The following PPP1R9A variants were observed in gnomAD, a reference collection of about 807,000 sequenced individuals.
PPP1R9A encodes the protein protein phosphatase 1 regulatory subunit 9A, also known as neurabin-1.
In PPP1R9A, 59 loss-of-function variants were observed where a neutral mutation model predicts 141.9. The ratio of observed to expected loss-of-function variants is 0.42; its 90% CI spans 0.34 to 0.52. The LOEUF is 0.52. Ranked by LOEUF, PPP1R9A falls within the 20% of genes least tolerant of loss-of-function variation. PPP1R9A has a pLI of 0.10. For missense variants in PPP1R9A, 1,444 were observed against 1,611.9 expected (o/e 0.90, Z 1.78); for synonymous variants, 500 against 569.7 (o/e 0.88, Z 1.74).
At chr7:94,979,910 T>G (rs1799882219) in intron 2 of PPP1R9A, among the ~76,000 whole-genome samples, 1 of 152,334 alleles carries the variant, frequency 6.6e-6, no homozygotes, top group East Asian at 1.9e-4. Flanking sequence ...AAAGGTATTT[T>G]TTTTTGGTTT....
At chr7:95,107,928 G>A (rs1399657821) in intron 2 of PPP1R9A, among the ~76,000 whole-genome samples, 1 of 152,082 alleles carries the variant, frequency 6.6e-6, no homozygotes, top group East Asian at 1.9e-4. Flanking sequence ...ACTTTCTTCA[G>A]GGCTTTTTGT....
At chr7:94,986,670 A>G (rs1455015398) in intron 2 of PPP1R9A, among the ~76,000 whole-genome samples, 1 of 152,208 alleles carries the variant, frequency 6.6e-6, no homozygotes, top group Non-Finnish European at 1.5e-5. Flanking sequence ...TTAATTATCC[A>G]GATTTAATCA....
At chr7:95,270,811 A>C (rs1172182774) in intron 14 of PPP1R9A, among the ~76,000 whole-genome samples, 1 of 152,212 alleles carries the variant, frequency 6.6e-6, no homozygotes, top group Non-Finnish European at 1.5e-5. Context: ...TTTGACCCAG[A>C]AGATGTGTTC....
At chr7:95,214,903 G>A (rs1563431595) in intron 7 of PPP1R9A, among the ~76,000 whole-genome samples, 1 of 152,014 alleles carries the variant, frequency 6.6e-6, no homozygotes, top group Non-Finnish European at 1.5e-5. Context: ...ATCTAGAGAA[G>A]GATTTTAGAT....
chr7:95,098,945 C>T (rs1039394498), intron 2 of PPP1R9A, among the ~76,000 whole-genome samples: 9 of 152,162 alleles, frequency 5.9e-5, no homozygotes, highest in Admixed American at 5.9e-4. Flanking sequence ...AAGAGAAGCT[C>T]TCAAACCCTC....
intron 2 of PPP1R9A, among the ~76,000 whole-genome samples, chr7:94,989,388 C>T (rs1278290749): frequency 6.6e-6 from 1 of 152,084 alleles, no homozygotes; most frequent in African/African-American, 2.4e-5. Flanking sequence ...AAGTGGTCAG[C>T]AAACTGACTT....
intron 2 of PPP1R9A, among the ~76,000 whole-genome samples, chr7:95,053,701 G>A (rs747208983): frequency 1.3e-5 from 2 of 152,176 alleles, no homozygotes; most frequent in African/African-American, 2.4e-5. Context: ...GAATCTGTTT[G>A]TGAGGCACTT....
chr7:95,280,383 C>G (rs546473830), intron 16 of PPP1R9A, among the ~76,000 whole-genome samples: 25 of 152,184 alleles, frequency 1.6e-4, no homozygotes, highest in Non-Finnish European at 3.5e-4. Context: ...CTGAATACTT[C>G]ACACACCTGT....
chr7:95,032,078 G>A (rs1043686604), intron 2 of PPP1R9A, among the ~76,000 whole-genome samples: 1 of 152,156 alleles, frequency 6.6e-6, no homozygotes, highest in African/African-American at 2.4e-5. Context: ...ATGTAGCATG[G>A]ATTTTATTGT....
intron 2 of PPP1R9A, among the ~76,000 whole-genome samples, chr7:95,072,716 A>G (rs150714464): frequency 0.043 from 4,842 of 112,118 alleles, 521 homozygotes; most frequent in East Asian, 0.4. Context: ...ATAATATATT[A>G]TATGTATATT....
chr7:95,055,627 A>G (rs1398739046), intron 2 of PPP1R9A, among the ~76,000 whole-genome samples: 1 of 152,108 alleles, frequency 6.6e-6, no homozygotes, highest in Non-Finnish European at 1.5e-5. Flanking sequence ...ATTTGATAAT[A>G]TCCATATTTT....
intron 8 of PPP1R9A, among the ~76,000 whole-genome samples, chr7:95,240,320 T>C (rs1281588643): frequency 2.6e-5 from 4 of 152,096 alleles, no homozygotes; most frequent in African/African-American, 9.6e-5. Context: ...CCTTCTTTCA[T>C]TGATTATTTG....
chr7:95,060,967 TA>T (rs1414863843), intron 2 of PPP1R9A, among the ~76,000 whole-genome samples: 1 of 152,184 alleles, frequency 6.6e-6, no homozygotes, highest in African/African-American at 2.4e-5. Context: ...AGCACTAGTT[TA>T]AGGGGTAGAT....
chr7:95,085,890 T>C (rs1816560366), intron 2 of PPP1R9A, among the ~76,000 whole-genome samples: 1 of 152,016 alleles, frequency 6.6e-6, no homozygotes, highest in African/African-American at 2.4e-5. Flanking sequence ...AAACATTTTC[T>C]TGTGTAATTT....
chr7:95,006,341 C>T (rs970050932), intron 2 of PPP1R9A, among the ~76,000 whole-genome samples: 6 of 151,948 alleles, frequency 3.9e-5, no homozygotes, highest in African/African-American at 1.5e-4. Context: ...CTTCAGCTCC[C>T]CGAGTAGCTG....
At chr7:95,230,366 A>C (rs1322796597) in intron 8 of PPP1R9A, among the ~76,000 whole-genome samples, 1 of 152,196 alleles carries the variant, frequency 6.6e-6, no homozygotes, top group Non-Finnish European at 1.5e-5. Context: ...TAAGCTAATC[A>C]AGGAGGCACC....
chr7:94,957,907 C>T (rs1336135023), intron 2 of PPP1R9A, among the ~76,000 whole-genome samples: 1 of 151,984 alleles, frequency 6.6e-6, no homozygotes, highest in Non-Finnish European at 1.5e-5. Context: ...ATTTGAGAGG[C>T]CTGCTGTCAT....
At chr7:95,214,914 G>A (rs1037365215) in intron 7 of PPP1R9A, among the ~76,000 whole-genome samples, 5 of 152,028 alleles carry the variant, frequency 3.3e-5, no homozygotes, top group African/African-American at 9.7e-5. Context: ...GATTTTAGAT[G>A]TTTCTTGAGT....
chr7:94,944,445 A>ACCCCCCCCCCC (rs1010581987), intron 2 of PPP1R9A, among the ~76,000 whole-genome samples: 20 of 125,522 alleles, frequency 1.6e-4, no homozygotes, highest in East Asian at 2.5e-4. Context: ...AGAAATATCC[A>ACCCCCCCCCCC]CCCCCCCACC....
Sources: allele counts gnomAD v4.1 joint callset (sites outside exome capture counted in the v4.1 genomes callset), GRCh38; gene constraint gnomAD v4.1.1; transcripts MANE v1.5; gene names NCBI Gene and HGNC (gene_info 2026-07-23, HGNC 2026-07-21).